PIP5K1B: variants seen among roughly 807,000 people sequenced by gnomAD.
The protein encoded by PIP5K1B is phosphatidylinositol-4-phosphate 5-kinase type 1 beta.
Under a neutral mutation model 67.0 loss-of-function variants are expected in PIP5K1B, and 42 were observed. That is an observed-to-expected ratio of 0.63 (90% CI 0.49 to 0.81). The LOEUF (loss-of-function observed/expected upper bound fraction) is 0.81, where lower values mean the gene tolerates loss of function less well. Ranked by LOEUF, PIP5K1B falls within the 30% of genes least tolerant of loss-of-function variation. The probability of loss-of-function intolerance (pLI) is 0.00; values close to 1 mark genes in which losing one functional copy is unlikely to be tolerated. For missense variants in PIP5K1B, 459 were observed against 646.3 expected, an observed-to-expected ratio of 0.71 and a Z score of 3.14; for synonymous variants, 214 against 231.4, an observed-to-expected ratio of 0.92 and a Z score of 0.68.
intron 7 of PIP5K1B, among the ~76,000 whole-genome samples, chr9:68,892,172 T>C (rs1373818204): frequency 6.6e-6 from 1 of 152,220 alleles, no homozygotes; most frequent in East Asian, 1.9e-4. Context: ...AATCAACTTA[T>C]AAATCCAGTC....
At chr9:68,960,173 A>G (rs1051281337) in intron 14 of PIP5K1B, among the ~76,000 whole-genome samples, 1 of 152,210 alleles carries the variant, frequency 6.6e-6, no homozygotes, top group Non-Finnish European at 1.5e-5. Flanking sequence ...AAAGTATAGA[A>G]TTTTATTTCA....
At chr9:68,891,456 A>T (rs11144159) in intron 7 of PIP5K1B, among the ~76,000 whole-genome samples, 28,953 of 148,902 alleles carry the variant, frequency 0.19, 2,922 homozygotes, top group Non-Finnish European at 0.24. Context: ...TTTTTTTTTT[A>T]AAAAATGATA....
At chr9:68,780,192 C>T in intron 2 of PIP5K1B, 1 of 1,534,960 alleles carries the variant, frequency 6.5e-7, no homozygotes, top group Non-Finnish European at 8.7e-7. Flanking sequence ...GGAGCTAGAC[C>T]TGGAGCTGCC....
At chr9:68,763,608 A>G (rs1830287924) in intron 2 of PIP5K1B, among the ~76,000 whole-genome samples, 1 of 152,146 alleles carries the variant, frequency 6.6e-6, no homozygotes, top group African/African-American at 2.4e-5. Flanking sequence ...GATGTTAAAA[A>G]AAAATACAAT....
intron 14 of PIP5K1B, among the ~76,000 whole-genome samples, chr9:68,941,811 T>G (rs545221862): frequency 6.6e-6 from 1 of 152,272 alleles, no homozygotes; most frequent in South Asian, 2.1e-4. Context: ...AGAGTCTAGC[T>G]TAGTCTTTTG....
chr9:68,959,491 T>G (rs1828595704), intron 14 of PIP5K1B, among the ~76,000 whole-genome samples: 1 of 152,192 alleles, frequency 6.6e-6, no homozygotes, highest in East Asian at 1.9e-4. Context: ...ACCACCTTTT[T>G]CATCTGATTT....
chr9:68,926,220 T>A (rs917857383), intron 12 of PIP5K1B, among the ~76,000 whole-genome samples: 2 of 152,188 alleles, frequency 1.3e-5, no homozygotes, highest in South Asian at 4.1e-4. Context: ...TGTTCTAGCT[T>A]TGGTGAGCCT....
At chr9:68,947,130 T>C (rs1827841028) in intron 14 of PIP5K1B, among the ~76,000 whole-genome samples, 2 of 152,160 alleles carry the variant, frequency 1.3e-5, no homozygotes, top group Non-Finnish European at 2.9e-5. Context: ...TTAGAGTCCT[T>C]TCAGGAAATG....
At chr9:68,999,747 T>C (rs1830735718) in intron 15 of PIP5K1B, among the ~76,000 whole-genome samples, 1 of 152,200 alleles carries the variant, frequency 6.6e-6, no homozygotes, top group Non-Finnish European at 1.5e-5. Context: ...CCTAGGAAGC[T>C]CCTACACCCT....
At chr9:68,943,094 A>G (rs1827640885) in intron 14 of PIP5K1B, among the ~76,000 whole-genome samples, 1 of 152,178 alleles carries the variant, frequency 6.6e-6, no homozygotes, top group African/African-American at 2.4e-5. Flanking sequence ...TCAATGAGCC[A>G]CCCTTTAAAA....
At chr9:68,938,025 A>C (rs770098351) in intron 13 of PIP5K1B, among the ~76,000 whole-genome samples, 2 of 152,096 alleles carry the variant, frequency 1.3e-5, no homozygotes, top group African/African-American at 4.8e-5. Context: ...CAATTATGTG[A>C]TCAATTTTAG....
At chr9:68,792,610 G>C (rs914621836) in intron 2 of PIP5K1B, among the ~76,000 whole-genome samples, 5 of 151,902 alleles carry the variant, frequency 3.3e-5, no homozygotes, top group Non-Finnish European at 7.4e-5. Flanking sequence ...TCCCGAGTAG[G>C]TGGGACTACA....
intron 5 of PIP5K1B, among the ~76,000 whole-genome samples, chr9:68,870,413 G>A (rs1435682740): frequency 6.6e-6 from 1 of 152,194 alleles, no homozygotes; most frequent in Non-Finnish European, 1.5e-5. Flanking sequence ...GCACCAGCAA[G>A]GAATGTGTCT....
chr9:68,826,335 A>C (rs544840576), intron 4 of PIP5K1B, among the ~76,000 whole-genome samples: 1 of 152,326 alleles, frequency 6.6e-6, no homozygotes, highest in South Asian at 2.1e-4. Flanking sequence ...CGCCTTCCTT[A>C]AAAGGGGCAG....
chr9:69,007,798 G>A (rs927990899), intron 15 of PIP5K1B, among the ~76,000 whole-genome samples: 10 of 151,874 alleles, frequency 6.6e-5, no homozygotes, highest in African/African-American at 1.5e-4. Flanking sequence ...CAGAGGTTGC[G>A]GTGAGCTGAG....
chr9:68,972,819 A>C (rs1183313014), intron 14 of PIP5K1B, among the ~76,000 whole-genome samples: 3 of 152,134 alleles, frequency 2.0e-5, no homozygotes, highest in Non-Finnish European at 4.4e-5. Flanking sequence ...TAATAACTAA[A>C]ATGTATTGAA....
chr9:68,735,134 A>G (rs1828661096), intron 1 of PIP5K1B, among the ~76,000 whole-genome samples: 1 of 152,150 alleles, frequency 6.6e-6, no homozygotes, highest in Non-Finnish European at 1.5e-5. Context: ...CAAACTTTTT[A>G]TATGAGAACA....
chr9:68,845,744 C>A (rs1413747192), intron 4 of PIP5K1B, among the ~76,000 whole-genome samples: 1 of 152,200 alleles, frequency 6.6e-6, no homozygotes, highest in African/African-American at 2.4e-5. Context: ...AAAATAGCAT[C>A]TTGACTACAA....
At chr9:68,849,690 TAC>T in intron 4 of PIP5K1B, among the ~76,000 whole-genome samples, 1 of 152,340 alleles carries the variant, frequency 6.6e-6, no homozygotes, top group East Asian at 1.9e-4. Context: ...AATGCGTGTA[TAC>T]AGACATGTAT....
Sources: allele counts gnomAD v4.1 joint callset (sites outside exome capture counted in the v4.1 genomes callset), GRCh38; gene constraint gnomAD v4.1.1; transcripts MANE v1.5; gene names NCBI Gene and HGNC (gene_info 2026-07-23, HGNC 2026-07-21).